KIF20B: variants seen among roughly 807,000 people sequenced by gnomAD.
The protein encoded by KIF20B is kinesin family member 20B.
A neutral mutation model predicts 232.5 loss-of-function variants in KIF20B; 188 were observed. The ratio of observed to expected loss-of-function variants is 0.81; its 90% CI spans 0.72 to 0.91. The LOEUF (loss-of-function observed/expected upper bound fraction) is 0.91, where lower values mean the gene tolerates loss of function less well. KIF20B is among the 40% of genes least tolerant of loss of function. The probability of loss-of-function intolerance (pLI) is 0.00; values close to 1 mark genes in which losing one functional copy is unlikely to be tolerated. For synonymous variants in KIF20B, 712 were observed against 683.0 expected, an observed-to-expected ratio of 1.04 and a Z score of -0.66; for missense variants, 2,154 against 2,055.9, an observed-to-expected ratio of 1.05 and a Z score of -0.92.
intron 1 of KIF20B, among the ~76,000 whole-genome samples, chr10:89,703,557 T>A (rs1842656008): frequency 6.6e-6 from 1 of 152,116 alleles, no homozygotes; most frequent in African/African-American, 2.4e-5. Flanking sequence ...CTCCGGATCA[T>A]AGAAACTCTC....
chr10:89,729,853 T>G (rs1466110148), intron 18 of KIF20B, among the ~76,000 whole-genome samples: 1 of 152,194 alleles, frequency 6.6e-6, no homozygotes, highest in South Asian at 2.1e-4. Context: ...TTTCTTTTTT[T>G]GGGGTAAGCT....
chr10:89,720,911 T>C (rs1336826818), intron 13 of KIF20B, among the ~76,000 whole-genome samples: 2 of 152,166 alleles, frequency 1.3e-5, no homozygotes, highest in Non-Finnish European at 1.5e-5. Flanking sequence ...GGTTTCACCA[T>C]GTTGGCCAGG....
At chr10:89,760,455 T>G (rs1464483614) in intron 27 of KIF20B, 71 bp from the exon 28 acceptor site, 1 of 909,822 alleles carries the variant, frequency 1.1e-6, no homozygotes, top group East Asian at 2.5e-5. Flanking sequence ...TTTTATATTC[T>G]TTATGTGAAG....
Position 89,772,995 on chromosome 10 carries a change from C to T in KIF20B, c.5385+164C>T, listed in dbSNP as rs539365166. Among the ~76,000 whole-genome samples the T allele has an allele frequency of 3.3e-5, 5 of 152,142 alleles. No homozygotes were observed. The South Asian group carries it at 1.0e-3, about 32-fold the overall frequency. On this transcript the variant is annotated intron_variant, in intron 32 of 32. Transcript: ENST00000371728. ...AGTTTATACTAATTAAATATAAATA[C>T]TGTATTAAATGTATATAAGCGTCAT...
chr10:89,727,673 C>T (rs1303080890), intron 16 of KIF20B, among the ~76,000 whole-genome samples, 183 bp from the exon 17 acceptor site: 1 of 151,992 alleles, frequency 6.6e-6, no homozygotes, highest in African/African-American at 2.4e-5. Context: ...AAACATTACC[C>T]TGTTGTGGTT....
chr10:89,756,504 G>A (rs2133158923), intron 26 of KIF20B, among the ~76,000 whole-genome samples: 1 of 152,218 alleles, frequency 6.6e-6, no homozygotes, highest in East Asian at 1.9e-4. Flanking sequence ...GTATGTGTCT[G>A]CCATACTTAA....
intron 6 of KIF20B, among the ~76,000 whole-genome samples, chr10:89,711,376 T>C (rs983840738): frequency 2.0e-5 from 3 of 152,204 alleles, no homozygotes; most frequent in African/African-American, 7.2e-5. Flanking sequence ...GAAATCTTTT[T>C]TGATTGTTGT....
chr10:89,705,543 TACAAG>T, intron 2 of KIF20B, 102 bp downstream of exon 2: 1 of 973,800 alleles, frequency 1.0e-6, no homozygotes, highest in Non-Finnish European at 1.5e-6. Flanking sequence ...TGTACTTAGA[TACAAG>T]CTAAGAATTG....
chr10:89,705,145 G>T (rs1842694954), intron 1 of KIF20B, 149 bp from the exon 2 acceptor site: 2 of 652,122 alleles, frequency 3.1e-6, no homozygotes, highest in Non-Finnish European at 5.4e-6. Context: ...TTCCTGTAGG[G>T]CATTGTGTTA....
At chr10:89,722,015 G>T (rs1843069810) in intron 13 of KIF20B, among the ~76,000 whole-genome samples, 1 of 152,038 alleles carries the variant, frequency 6.6e-6, no homozygotes, top group Admixed American at 6.5e-5. Context: ...GGGCTCAAGT[G>T]ATCCTCTTGC....
chr10:89,712,827 A>G (rs1564658011), intron 6 of KIF20B, among the ~76,000 whole-genome samples: 2 of 152,232 alleles, frequency 1.3e-5, no homozygotes, highest in African/African-American at 4.8e-5. Flanking sequence ...AAGGCTGTTA[A>G]AAACTACTAA....
chr10:89,730,574 G>C (rs1299836660), intron 18 of KIF20B, among the ~76,000 whole-genome samples: 1 of 152,206 alleles, frequency 6.6e-6, no homozygotes, highest in Non-Finnish European at 1.5e-5. Context: ...GAAGGGGACA[G>C]TGGTAGTCAG....
chr10:89,747,973 T>C (rs950290006), intron 23 of KIF20B, among the ~76,000 whole-genome samples: 11 of 152,228 alleles, frequency 7.2e-5, no homozygotes, highest in Admixed American at 2.0e-4. Context: ...CTTTTCTTAC[T>C]CAGATTGTAT....
Position 89,738,577 on chromosome 10 carries a change from AAAGAAG to A in KIF20B, c.3748_3753del (p.Glu1250_Glu1251del), listed in dbSNP as rs149688226. 82 of 1,543,802 alleles carry A rather than the reference AAAGAAG, an allele frequency of 5.3e-5. No individual in the cohort carries two copies. The African/African-American group carries it at 9.9e-4, about 19-fold the overall frequency. Reference sequence around the variant, plus strand: ...AGATATGAAACATTTACTTCAATTAAAAGAAGAAGAAGAAGAAACCAACAGGCAAGA... The same window carrying A: ...AGATATGAAACATTTACTTCAATTAAAAGAAGAAGAAACCAACAGGCAAGA... On this transcript the variant is annotated inframe_deletion, in exon 20 of 33. Coordinates refer to ENST00000371728, the MANE Select transcript of KIF20B (RefSeq NM_001284259.2).
chr10:89,748,299 C>T (rs1167787785), intron 23 of KIF20B, among the ~76,000 whole-genome samples: 4 of 152,300 alleles, frequency 2.6e-5, no homozygotes, highest in Admixed American at 6.5e-5. Flanking sequence ...CTTGAGCCAC[C>T]GTGCCTGGCC....
intron 32 of KIF20B, among the ~76,000 whole-genome samples, 162 bp from the exon 33 acceptor site, chr10:89,773,809 A>C (rs1188250632): frequency 6.6e-6 from 1 of 151,952 alleles, no homozygotes. Flanking sequence ...TTTTTAAATA[A>C]ATTTTTATAG....
chr10:89,704,909 T>G (rs140951093), intron 1 of KIF20B, among the ~76,000 whole-genome samples: 24 of 152,352 alleles, frequency 1.6e-4, no homozygotes, highest in African/African-American at 5.3e-4. Flanking sequence ...GTAAGTAACA[T>G]TCTACAGGAG....
chr10:89,716,711 C>T (rs1842942254), intron 9 of KIF20B, among the ~76,000 whole-genome samples, 164 bp downstream of exon 9: 1 of 152,170 alleles, frequency 6.6e-6, no homozygotes, highest in Non-Finnish European at 1.5e-5. Flanking sequence ...ACACGTTTAT[C>T]AATACTGTTT....
chr10:89,702,806 T>A (rs1842640592), intron 1 of KIF20B, among the ~76,000 whole-genome samples: 1 of 151,748 alleles, frequency 6.6e-6, no homozygotes, highest in Non-Finnish European at 1.5e-5. Flanking sequence ...TTATTTTAAG[T>A]CATTAGGTAG....
Sources: allele counts gnomAD v4.1 joint callset (sites outside exome capture counted in the v4.1 genomes callset), GRCh38; gene constraint gnomAD v4.1.1; transcripts MANE v1.5; gene names NCBI Gene and HGNC (gene_info 2026-07-23, HGNC 2026-07-21).